Variants in CLEC16A observed in about 807,000 individuals in gnomAD.
CLEC16A encodes the protein C-type lectin domain containing 16A, also known as protein CLEC16A.
CLEC16A carries 51 observed loss-of-function variants against 109.5 expected under a neutral mutation model. The observed-to-expected ratio is 0.47, with a 90% confidence interval of 0.37 to 0.59. The LOEUF (loss-of-function observed/expected upper bound fraction) is 0.59. Among genes scored for constraint, CLEC16A ranks in the 20% least tolerant of loss-of-function variants. CLEC16A has a pLI of 0.00. For synonymous variants in CLEC16A, 673 were observed against 564.2 expected (o/e 1.19, Z -2.73); for missense variants, 1,339 against 1,394.0 (o/e 0.96, Z 0.63).
chr16:10,988,652 G>C (rs1323192038), intron 10 of CLEC16A, among the ~76,000 whole-genome samples: 2 of 152,112 alleles, frequency 1.3e-5, no homozygotes, highest in African/African-American at 4.8e-5. Context: ...GGCTGCTTTT[G>C]GTGCTGTTCC....
At chr16:10,997,331 G>A (rs2044389665) in intron 10 of CLEC16A, among the ~76,000 whole-genome samples, 1 of 152,180 alleles carries the variant, frequency 6.6e-6, no homozygotes, top group Non-Finnish European at 1.5e-5. Context: ...AATCTTAGAT[G>A]TACTGCTTGA....
chr16:11,141,712 G>A (rs1408977543), intron 22 of CLEC16A, among the ~76,000 whole-genome samples: 3 of 152,246 alleles, frequency 2.0e-5, no homozygotes, highest in African/African-American at 7.2e-5. Context: ...GTGAGGGACG[G>A]TCTGGGATGT....
intron 22 of CLEC16A, among the ~76,000 whole-genome samples, chr16:11,154,913 C>A (rs749665930): frequency 6.6e-6 from 1 of 151,810 alleles, no homozygotes; most frequent in African/African-American, 2.4e-5. Flanking sequence ...GGCAACAGAG[C>A]GGGACTCCAT....
chr16:11,027,687 G>A lies in CLEC16A; in HGVS notation c.1537+2766G>A, dbSNP rs1048580303. 8.9e-6 allele frequency: 14 copies of A among 1,577,396 alleles called. No individual in the cohort carries two copies. In the Admixed American group the frequency reaches 1.5e-4, roughly 17 times the overall value. Reference sequence around the variant, plus strand: ...GGCCCATCATGCTACCAAAAATAGAGTGGGCTTCCTCAAGGAGATGGGCAC... The same window carrying A: ...GGCCCATCATGCTACCAAAAATAGAATGGGCTTCCTCAAGGAGATGGGCAC... On this transcript the variant is annotated intron_variant, in intron 13 of 23. Transcript: ENST00000409790.
intron 19 of CLEC16A, among the ~76,000 whole-genome samples, chr16:11,092,798 C>T (rs1241664730): frequency 6.6e-6 from 1 of 152,138 alleles, no homozygotes; most frequent in Non-Finnish European, 1.5e-5. Context: ...GCTTCTGAAA[C>T]TCTGTGGGCC....
At chr16:10,951,902 C>T (rs2041753149) in intron 1 of CLEC16A, among the ~76,000 whole-genome samples, 3 of 152,236 alleles carry the variant, frequency 2.0e-5, no homozygotes, top group Admixed American at 1.3e-4. Context: ...AGAGTTGCTA[C>T]TGTGCTTGTC....
chr16:11,121,849 C>G (rs2052437050), intron 20 of CLEC16A, among the ~76,000 whole-genome samples: 1 of 132,912 alleles, frequency 7.5e-6, no homozygotes, highest in African/African-American at 2.9e-5. Context: ...CACTGCACTC[C>G]AGCCTGGGCG....
chr16:11,079,348 G>A (rs2152941171), intron 19 of CLEC16A, among the ~76,000 whole-genome samples: 1 of 152,334 alleles, frequency 6.6e-6, no homozygotes, highest in South Asian at 2.1e-4. Flanking sequence ...TGGAGGCTCA[G>A]AAGTTGTTGG....
chr16:11,101,315 C>G (rs2050900330), intron 19 of CLEC16A, among the ~76,000 whole-genome samples: 1 of 152,174 alleles, frequency 6.6e-6, no homozygotes, highest in Non-Finnish European at 1.5e-5. Context: ...TGGGTCCCCA[C>G]CCTCCGCAGC....
chr16:11,124,033 C>G, intron 21 of CLEC16A, 87 bp downstream of exon 21: 1 of 1,200,770 alleles, frequency 8.3e-7, no homozygotes, highest in South Asian at 1.4e-5. Flanking sequence ...TTGAGAACCC[C>G]CATAGCATAG....
chr16:11,099,746 G>A (rs945959158), intron 19 of CLEC16A, among the ~76,000 whole-genome samples: 6 of 152,226 alleles, frequency 3.9e-5, no homozygotes, highest in African/African-American at 1.2e-4. Context: ...ACCCAGGTGC[G>A]AGGACGGGGC....
chr16:11,145,518 A>G (rs995208344), intron 22 of CLEC16A, among the ~76,000 whole-genome samples: 12 of 152,254 alleles, frequency 7.9e-5, no homozygotes, highest in African/African-American at 2.7e-4. Context: ...CTCCTGGGCA[A>G]AGGGCTGGGT....
At chr16:11,085,058 G>A (rs911181245) in intron 19 of CLEC16A, among the ~76,000 whole-genome samples, 4 of 152,354 alleles carry the variant, frequency 2.6e-5, no homozygotes, top group African/African-American at 9.6e-5. Flanking sequence ...AGGCCTGGGG[G>A]AAGGGAGCCA....
intron 22 of CLEC16A, among the ~76,000 whole-genome samples, chr16:11,132,295 T>C (rs1237479817): frequency 7.0e-6 from 1 of 142,964 alleles, no homozygotes; most frequent in Non-Finnish European, 1.5e-5. Context: ...TCTGTCTCTA[T>C]AGATTTACGT....
intron 11 of CLEC16A, among the ~76,000 whole-genome samples, chr16:11,018,402 C>G (rs776809163): frequency 1.3e-4 from 19 of 151,920 alleles, no homozygotes; most frequent in Non-Finnish European, 2.5e-4. Context: ...TAGGAGAGAC[C>G]TGGTGTGAGA....
intron 11 of CLEC16A, among the ~76,000 whole-genome samples, chr16:11,011,313 C>G (rs1350575811): frequency 6.6e-6 from 1 of 152,198 alleles, no homozygotes; most frequent in African/African-American, 2.4e-5. Flanking sequence ...CTGTTGTAAG[C>G]AAGACCTTTC....
intron 19 of CLEC16A, among the ~76,000 whole-genome samples, chr16:11,074,254 C>G (rs1027691578): frequency 2.0e-5 from 3 of 152,176 alleles, no homozygotes; most frequent in Non-Finnish European, 2.9e-5. Context: ...CACCAATTCT[C>G]TAAGGAAATG....
At chr16:10,986,730 A>AGTGTGTGTGTGTGT (rs200977014) in intron 10 of CLEC16A, among the ~76,000 whole-genome samples, 21 of 116,810 alleles carry the variant, frequency 1.8e-4, no homozygotes, top group African/African-American at 2.8e-4. Context: ...TTTAAGGCTC[A>AGTGTGTGTGTGTGT]ATGTGTGTGT....
In CLEC16A at chr16:11,180,376, A is replaced by G. The variant is rs201054499; in HGVS notation, c.*1686A>G. ...GGTACAAGGACCTTTGCTTCCATAG[A>G]GAAAACGCACAGCTCAGAAAGGGGG... On this transcript the variant is annotated 3_prime_UTR_variant, in exon 24 of 24. Coordinates refer to ENST00000409790, the MANE Select transcript of CLEC16A (RefSeq NM_015226.3). 6.6e-6 allele frequency: 1 copy of G among 152,290 alleles called. No individual in the cohort carries two copies. The highest frequency in any genetic ancestry group is 1.5e-5 in the Non-Finnish European group (1 of 68,120). The allele number at this position is 152,290 out of a possible 1,614,324, so 9.4% of individuals were successfully genotyped here.
Sources: gnomAD v4.1 joint callset for allele counts (sites outside exome capture counted in the v4.1 genomes callset) on GRCh38, gnomAD v4.1.1 for gene constraint, MANE v1.5 for transcripts, NCBI Gene and HGNC (gene_info 2026-07-23, HGNC 2026-07-21) for gene names.